The following RAF1 variants were observed in gnomAD, a reference collection of about 807,000 sequenced individuals.
RAF1 encodes the protein RAF proto-oncogene serine/threonine-protein kinase.
In RAF1, 27 loss-of-function variants were observed where a neutral mutation model predicts 81.1. The observed-to-expected ratio is 0.33, with a 90% CI of 0.25 to 0.46. The LOEUF (loss-of-function observed/expected upper bound fraction) is 0.46. Among genes scored for constraint, RAF1 ranks in the 20% least tolerant of loss-of-function variants. The pLI is 1.00. For missense variants in RAF1, 598 were observed against 826.0 expected (o/e 0.72, Z 3.38); for synonymous variants, 298 against 294.0 (o/e 1.01, Z -0.14).
chr3:12,626,304 G>T (rs1367604430), intron 1 of RAF1, among the ~76,000 whole-genome samples: 1 of 151,054 alleles, frequency 6.6e-6, no homozygotes, highest in Non-Finnish European at 1.5e-5. Context: ...AATTGTTCAT[G>T]GGCTGGGCAC....
At chr3:12,597,371 A>G (rs1030412964) in intron 11 of RAF1, among the ~76,000 whole-genome samples, 1 of 152,184 alleles carries the variant, frequency 6.6e-6, no homozygotes, top group African/African-American at 2.4e-5. Context: ...GAATCCCCAA[A>G]TGAAAGTGCG....
chr3:12,660,313 T>C (rs996781258), intron 1 of RAF1, among the ~76,000 whole-genome samples: 2 of 151,998 alleles, frequency 1.3e-5, no homozygotes, highest in African/African-American at 4.8e-5. Flanking sequence ...CTTTTTTTTT[T>C]TGAGACAGGG....
At chr3:12,661,616 C>T (rs2060880239) in intron 1 of RAF1, among the ~76,000 whole-genome samples, 1 of 151,858 alleles carries the variant, frequency 6.6e-6, no homozygotes, top group Admixed American at 6.6e-5. Context: ...GGCAGGAGAA[C>T]TGCTTGAACC....
chr3:12,646,420 G>A (rs1296472198), intron 1 of RAF1, among the ~76,000 whole-genome samples: 1 of 152,020 alleles, frequency 6.6e-6, no homozygotes, highest in Non-Finnish European at 1.5e-5. Context: ...TGTCACCCAC[G>A]CTGGAGTGCA....
intron 5 of RAF1, among the ~76,000 whole-genome samples, chr3:12,606,593 T>G (rs571444604): frequency 3.6e-4 from 55 of 152,154 alleles, no homozygotes; most frequent in Non-Finnish European, 2.9e-5. Flanking sequence ...CAGGCTGGAG[T>G]GCAGAGGTGT....
At chr3:12,607,949 C>CAA (rs58308841) in intron 5 of RAF1, among the ~76,000 whole-genome samples, 3,403 of 66,650 alleles carry the variant, frequency 0.051, 84 homozygotes, top group Middle Eastern at 0.061. Flanking sequence ...GACTTGTCTC[C>CAA]AAAAAAAAAA....
intron 2 of RAF1, among the ~76,000 whole-genome samples, chr3:12,617,914 T>C (rs893139254): frequency 3.4e-5 from 5 of 146,906 alleles, no homozygotes; most frequent in African/African-American, 7.6e-5. Flanking sequence ...GAAAAAGAAA[T>C]TTTCTATCAG....
rs2060888015 is a variant in RAF1 at position 12,661,879 on chromosome 3, AAC to A, written c.-27+1932_-27+1933del. ...GTGTAAGTCAAAACATTTGATATAA[AAC>A]ACTTATCAAAAATGTTCTGCTAGCC... On this transcript the variant is annotated intron_variant, in intron 1 of 17. Coordinates refer to ENST00000442415, the MANE Select transcript of RAF1 (RefSeq NM_001354689.3). 3.3e-5 allele frequency among the ~76,000 whole-genome samples: 5 copies of A among 151,364 alleles called. No individual in the cohort carries two copies. The South Asian group carries it at 1.0e-3, about 32-fold the overall frequency.
At chr3:12,643,839 A>G (rs2060265197) in intron 1 of RAF1, among the ~76,000 whole-genome samples, 1 of 152,164 alleles carries the variant, frequency 6.6e-6, no homozygotes, top group South Asian at 2.1e-4. Flanking sequence ...GGAATCTTGT[A>G]TAATTTATTC....
At chr3:12,603,458 G>C (rs1463807884) in intron 8 of RAF1, 1 of 690,044 alleles carries the variant, frequency 1.4e-6, no homozygotes, top group African/African-American at 1.8e-5. Context: ...GAAAGCAAAG[G>C]CATGAAGAAA....
chr3:12,599,667 GT>G (rs1559419332), intron 11 of RAF1, 23 bp downstream of exon 10: 1 of 1,583,428 alleles, frequency 6.3e-7, no homozygotes, highest in East Asian at 2.2e-5. Flanking sequence ...CCTGCAGTTA[GT>G]AAAGGGAGGG....
chr3:12,589,220 A>T (rs1030753865), intron 13 of RAF1: 13 of 152,376 alleles, frequency 8.5e-5, no homozygotes, highest in African/African-American at 3.1e-4. Context: ...TTCCGGGATA[A>T]TGAAAATGTT....
At chr3:12,657,475 A>T (rs1315734018) in intron 1 of RAF1, among the ~76,000 whole-genome samples, 2 of 152,318 alleles carry the variant, frequency 1.3e-5, no homozygotes, top group African/African-American at 4.8e-5. Flanking sequence ...AATTCTTAAG[A>T]ATTTCCAGGC....
At chr3:12,649,942 C>T (rs2060470117) in intron 1 of RAF1, among the ~76,000 whole-genome samples, 1 of 151,800 alleles carries the variant, frequency 6.6e-6, no homozygotes, top group Non-Finnish European at 1.5e-5. Flanking sequence ...GTCAGGAGTT[C>T]GCGACCAGTC....
chr3:12,618,792 C>T lies in RAF1; in HGVS notation c.-26-45G>A, dbSNP rs3729926. ...ATTGTAACTCTAGAACAAAAGTATT[C>T]AACCCAAGAACACAATACATAAAGA... On this transcript the variant is annotated intron_variant, in intron 1 of 17. Coordinates refer to ENST00000442415, the MANE Select transcript of RAF1 (RefSeq NM_001354689.3). The T allele has an allele frequency of 0.8, 1,161,613 of 1,458,804 alleles. 465,839 individuals are homozygous for T. Among genetic ancestry groups the T allele is most frequent in the African/African-American group, 0.96 (68,905 of 71,928 alleles). The allele number at this position is 1,458,804 out of a possible 1,614,324, so 90.4% of individuals were successfully genotyped here. A position where few individuals can be genotyped will look rare whatever the true frequency, so the allele number is the denominator to read the frequency against.
Position 12,583,817 on chromosome 3 carries a change from C to G in RAF1, c.*697G>C, listed in dbSNP as rs535758065. 2.1e-5 allele frequency: 5 copies of G among 233,750 alleles called. No individual in the cohort carries two copies. The highest frequency in any genetic ancestry group is 1.1e-4 in the African/African-American group (5 of 45,082). 14.5% of individuals were successfully genotyped at this position (233,750 alleles called of 1,614,324 possible). A position where few individuals can be genotyped will look rare whatever the true frequency, so the allele number is the denominator to read the frequency against. On this transcript the variant is annotated 3_prime_UTR_variant, in exon 18 of 18. Transcript: ENST00000442415. ...ACAAGGCTGGCCCTGCGGCCCCGCC[C>G]CATAGGGGCAGCTCCTGGAAGACAA...
At position 12,591,773 on chromosome 3, in the gene RAF1, G is replaced by T. The variant is rs1371588524; in HGVS notation, c.1188C>A (p.Ile396=). The T allele has an allele frequency of 6.2e-7, 1 of 1,614,024 alleles. No homozygotes were observed. Among genetic ancestry groups the T allele is most frequent in the Non-Finnish European group, 8.5e-7 (1 of 1,179,896 alleles). Residue 396 remains isoleucine, a synonymous_variant, in exon 12 of 18, where the codon ATC becomes ATA. Coordinates refer to ENST00000442415, the MANE Select transcript of RAF1 (RefSeq NM_001354689.3). ...CTGGGGTTGGGTCGACAACCTTTAG[G>T]ATCTTTACTGCAACATCTCCTGCAA... is the stretch of plus-strand genomic sequence containing the variant.
intron 11 of RAF1, among the ~76,000 whole-genome samples, chr3:12,593,945 A>G (rs1416997515): frequency 6.6e-6 from 1 of 152,164 alleles, no homozygotes; most frequent in Non-Finnish European, 1.5e-5. Flanking sequence ...GAATACAGAA[A>G]GGTTTTCTGA....
chr3:12,603,586 A>AT, intron 7 of RAF1: 1 of 683,572 alleles, frequency 1.5e-6, no homozygotes, highest in South Asian at 1.6e-5. Context: ...CAAAGGAAGT[A>AT]TTTAAGTGTA....
Sources: allele counts gnomAD v4.1 joint callset (sites outside exome capture counted in the v4.1 genomes callset), GRCh38; gene constraint gnomAD v4.1.1; transcripts MANE v1.5; gene names NCBI Gene and HGNC (gene_info 2026-07-23, HGNC 2026-07-21).